NREP: variants seen among roughly 807,000 people sequenced by gnomAD.
NREP encodes neuronal regeneration related protein, also known as neuronal regeneration-related protein.
NREP carries 5 observed loss-of-function variants against 8.6 expected under a neutral mutation model. The ratio of observed to expected loss-of-function variants is 0.58; its 90% CI spans 0.30 to 1.22. The LOEUF (loss-of-function observed/expected upper bound fraction) is 1.22, where lower values mean the gene tolerates loss of function less well. Ranked by LOEUF, NREP falls within the 50% of genes most tolerant of loss-of-function variation. The probability of loss-of-function intolerance (pLI) is 0.07; values close to 1 mark genes in which losing one functional copy is unlikely to be tolerated. For missense variants in NREP, 86 were observed against 82.5 expected, an observed-to-expected ratio of 1.04 and a Z score of -0.17; for synonymous variants, 27 against 28.0, an observed-to-expected ratio of 0.96 and a Z score of 0.11.
At chr5:111,752,290 A>G (rs1750409708) in intron 2 of NREP, among the ~76,000 whole-genome samples, 1 of 152,220 alleles carries the variant, frequency 6.6e-6, no homozygotes, top group African/African-American at 2.4e-5. Context: ...CTCAAGAGGA[A>G]GCAGGACTGG....
In NREP at chr5:111,813,809, T is replaced by C. The variant is rs1752320955; in HGVS notation, c.136-78302A>G. ...ATTTCCCAGCTGATTTATTTCACCA[T>C]CCTCTCAGGAAACAAAGAACTAATA... is the stretch of plus-strand genomic sequence containing the variant. On this transcript the variant is annotated intron_variant, in intron 2 of 3. Transcript: ENST00000395634. 2.0e-5 allele frequency among the ~76,000 whole-genome samples: 3 copies of C among 152,004 alleles called. No individual in the cohort carries two copies. In the South Asian group the frequency reaches 6.2e-4, roughly 32 times the overall value.
intron 2 of NREP, among the ~76,000 whole-genome samples, chr5:111,913,880 G>A (rs1463322879): frequency 6.6e-6 from 1 of 152,088 alleles, no homozygotes; most frequent in Non-Finnish European, 1.5e-5. Context: ...GTTACCTAAT[G>A]ATGGATGAGG....
intron 2 of NREP, among the ~76,000 whole-genome samples, chr5:111,961,760 G>C (rs543415729): frequency 6.6e-6 from 1 of 152,258 alleles, no homozygotes; most frequent in African/African-American, 2.4e-5. Flanking sequence ...TTATGAACTA[G>C]AGCTCCAAAT....
At chr5:111,959,608 C>T (rs906184969) in intron 2 of NREP, among the ~76,000 whole-genome samples, 3 of 151,848 alleles carry the variant, frequency 2.0e-5, no homozygotes, top group Non-Finnish European at 2.9e-5. Context: ...AAACAATATA[C>T]GATTTTTGAC....
At position 111,786,467 on chromosome 5, in the gene NREP, T is replaced by C. The variant is rs544184233; in HGVS notation, c.136-50960A>G. Among the ~76,000 whole-genome samples, 72 of 152,340 alleles carry C rather than the reference T, an allele frequency of 4.7e-4. 1 individual carries two copies. Among genetic ancestry groups the C allele is most frequent in the African/African-American group, 1.7e-3 (70 of 41,590 alleles). ...GTCTCTCTCCTGACCTCCAGAAAGA[T>C]GTCCAAAAGTCTTCAACAGGACTCT... On this transcript the variant is annotated intron_variant, in intron 2 of 3. Coordinates refer to the NREP transcript ENST00000395634.
chr5:111,759,924 G>C (rs534183672), upstream of NREP, among the ~76,000 whole-genome samples: 7 of 152,254 alleles, frequency 4.6e-5, no homozygotes, highest in East Asian at 3.9e-4. Context: ...TTTTGCCACA[G>C]TGTGACTATA....
At chr5:111,786,241 C>T (rs1428593851) in intron 2 of NREP, among the ~76,000 whole-genome samples, 2 of 152,166 alleles carry the variant, frequency 1.3e-5, no homozygotes, top group Admixed American at 6.5e-5. Flanking sequence ...TCCCTTTTGC[C>T]GCCTTGTGAA....
intron 2 of NREP, among the ~76,000 whole-genome samples, chr5:111,960,534 G>T (rs967657056): frequency 3.9e-5 from 6 of 152,148 alleles, no homozygotes; most frequent in African/African-American, 1.2e-4. Context: ...CAATCCAGGG[G>T]ATAGGTCAAA....
intron 2 of NREP, among the ~76,000 whole-genome samples, chr5:111,868,455 C>T (rs1027359): frequency 0.42 from 63,950 of 151,962 alleles, 16,414 homozygotes; most frequent in Non-Finnish European, 0.59. Context: ...TGATTTTTCA[C>T]GGCAAATGGA....
chr5:111,908,127 T>G (rs1261096194), intron 2 of NREP, among the ~76,000 whole-genome samples: 1 of 152,018 alleles, frequency 6.6e-6, no homozygotes, highest in Non-Finnish European at 1.5e-5. Context: ...ATCTTCTGTT[T>G]GAACCAATAT....
At chr5:111,971,284 G>A (rs749769231) in intron 2 of NREP, among the ~76,000 whole-genome samples, 3 of 152,138 alleles carry the variant, frequency 2.0e-5, no homozygotes, top group Non-Finnish European at 4.4e-5. Flanking sequence ...GTGACCTACA[G>A]ATTCAATGTA....
rs528397593 is a variant in NREP, at chr5:111,965,879, C to G, written c.135+9395G>C. Among the ~76,000 whole-genome samples, 6 of 152,072 alleles carry G rather than the reference C, an allele frequency of 3.9e-5. No individual in the cohort carries two copies. The East Asian group carries it at 1.2e-3, about 29-fold the overall frequency. ...TGCTTGATATGTCTCCTAAGTAGGA[C>G]CAGTTATTCTTTAAAAAAAAAATCA... On this transcript the variant is annotated intron_variant, in intron 2 of 3. Transcript: ENST00000395634.
intron 2 of NREP, among the ~76,000 whole-genome samples, chr5:111,891,027 C>T (rs1356019837): frequency 3.3e-5 from 5 of 152,240 alleles, no homozygotes; most frequent in Non-Finnish European, 7.3e-5. Flanking sequence ...CATGGCCAGT[C>T]TGCAAGTTTT....
At chr5:111,749,518 G>A (rs150722261) in intron 2 of NREP, among the ~76,000 whole-genome samples, 2 of 152,200 alleles carry the variant, frequency 1.3e-5, no homozygotes, top group African/African-American at 4.8e-5. Flanking sequence ...CCACACTACT[G>A]ACTACATTAG....
At chr5:111,860,009 T>A (rs1017130697) in intron 2 of NREP, among the ~76,000 whole-genome samples, 22 of 152,182 alleles carry the variant, frequency 1.4e-4, no homozygotes, top group African/African-American at 5.3e-4. Flanking sequence ...GGAGCCTTCC[T>A]TATGATTCTC....
At chr5:111,926,665 C>T (rs768574460) in intron 2 of NREP, among the ~76,000 whole-genome samples, 5 of 151,932 alleles carry the variant, frequency 3.3e-5, no homozygotes, top group East Asian at 2.0e-4. Context: ...AGAATGCACT[C>T]GAGAGGAGTG....
chr5:111,939,212 C>A (rs922873383), intron 2 of NREP, among the ~76,000 whole-genome samples: 7 of 152,008 alleles, frequency 4.6e-5, no homozygotes, highest in Non-Finnish European at 1.0e-4. Context: ...AGCAAATGAA[C>A]CACATTCCTT....
At chr5:111,842,775 C>T (rs1753062031) in intron 2 of NREP, among the ~76,000 whole-genome samples, 1 of 152,170 alleles carries the variant, frequency 6.6e-6, no homozygotes, top group African/African-American at 2.4e-5. Context: ...TGAACTCCCA[C>T]AACTTTTGCT....
intron 2 of NREP, among the ~76,000 whole-genome samples, chr5:111,909,256 G>C (rs1754849115): frequency 6.6e-6 from 1 of 151,866 alleles, no homozygotes; most frequent in South Asian, 2.1e-4. Context: ...TTTAGCAATG[G>C]GAACAATGCC....
Sources: allele counts gnomAD v4.1 joint callset (sites outside exome capture counted in the v4.1 genomes callset), GRCh38; gene constraint gnomAD v4.1.1; transcripts MANE v1.5; gene names NCBI Gene and HGNC (gene_info 2026-07-23, HGNC 2026-07-21).